RRP1: variants seen among roughly 807,000 people sequenced by gnomAD.
RRP1 encodes ribosomal RNA processing 1, also known as ribosomal RNA processing protein 1 homolog A.
In RRP1, 37 loss-of-function variants were observed where a neutral mutation model predicts 54.6. That is an observed-to-expected ratio of 0.68 (90% CI 0.52 to 0.89). The LOEUF (loss-of-function observed/expected upper bound fraction) is 0.89. Among genes scored for constraint, RRP1 ranks in the 40% least tolerant of loss-of-function variants. RRP1 has a pLI of 0.00. For synonymous variants in RRP1, 262 were observed against 244.3 expected, an observed-to-expected ratio of 1.07 and a Z score of -0.67; for missense variants, 639 against 612.5, an observed-to-expected ratio of 1.04 and a Z score of -0.46.
intron 12 of RRP1, 131 bp from the exon 13 acceptor site, chr21:43,803,381 C>T (rs571147596): frequency 8.9e-5 from 112 of 1,259,388 alleles, no homozygotes; most frequent in African/African-American, 6.8e-4. Flanking sequence ...ACACGGGATG[C>T]GTCTGGCTGG....
At chr21:43,791,270 C>A in intron 1 of RRP1, 80 bp from the exon 2 acceptor site, 3 of 1,429,180 alleles carry the variant, frequency 2.1e-6, no homozygotes, top group Non-Finnish European at 9.9e-7. Flanking sequence ...CTCATTCAGG[C>A]AGTCACGTTT....
At chr21:43,800,798 T>C in intron 10 of RRP1, 64 bp from the exon 11 acceptor site, 2 of 1,606,988 alleles carry the variant, frequency 1.2e-6, no homozygotes, top group Non-Finnish European at 1.7e-6. Flanking sequence ...CCGCTCTAGC[T>C]GGAGCTTCCT....
At position 43,792,908 on chromosome 21, in the gene RRP1, C is replaced by T. The variant is rs112926500; in HGVS notation, c.274+179C>T. ...TGTGTGCAGTGCTGGTGTAAGTATT[C>T]AACATGGATTAGCTCATTTACCCAA... On this transcript the variant is annotated intron_variant, in intron 3 of 12. Transcript: ENST00000497547. The T allele has an allele frequency of 3.4e-3, 2,186 of 635,462 alleles. 10 individuals are homozygous for T. The highest frequency in any genetic ancestry group is 4.4e-3 in the Non-Finnish European group (1,604 of 360,778). 39.4% of individuals were successfully genotyped at this position (635,462 alleles called of 1,614,324 possible).
chr21:43,791,284 T>C (rs1341261319), intron 1 of RRP1, 66 bp from the exon 2 acceptor site: 25 of 1,546,504 alleles, frequency 1.6e-5, no homozygotes, highest in African/African-American at 5.4e-5. Context: ...CACGTTTCTG[T>C]GGCTTCCTTT....
intron 1 of RRP1, chr21:43,790,871 G>C (rs558340735): frequency 1.3e-4 from 52 of 406,928 alleles, no homozygotes; most frequent in African/African-American, 1.1e-3. Flanking sequence ...GAGTACAGGC[G>C]TGAGCCACCG....
At position 43,803,746 on chromosome 21, in the gene RRP1, C is replaced by T. The variant is rs749255086; in HGVS notation, c.1358C>T (p.Pro453Leu). 2.1e-5 allele frequency: 33 copies of T among 1,578,330 alleles called. No individual in the cohort carries two copies. The East Asian group carries it at 2.7e-4, about 13-fold the overall frequency. The stretch of plus-strand genomic sequence containing the variant: ...GCAAAGGCGGCCAATGTCCAGGAGC[C>T]GGAGAAGAAGAAGAAACGCAGGGAG... ...ARAKAANVQE[P>L]EKKKKRRE is the part of the protein sequence containing the mutation. Residue 453 changes from proline (P) to leucine (L), a missense_variant, in exon 13 of 13, where the codon CCG (proline) becomes CTG (leucine). Transcript: ENST00000497547.
chr21:43,795,561 G>GT (rs751675942), intron 5 of RRP1, among the ~76,000 whole-genome samples: 2 of 152,176 alleles, frequency 1.3e-5, no homozygotes, highest in African/African-American at 2.4e-5. Flanking sequence ...AATGCTTTTT[G>GT]TTTTTTTGAA....
Position 43,799,581 on chromosome 21 carries a change from A to C in RRP1, c.823A>C (p.Arg275=). The C allele has an allele frequency of 6.2e-7, 1 of 1,611,816 alleles. No individual in the cohort carries two copies. Among genetic ancestry groups the C allele is most frequent in the Non-Finnish European group, 8.5e-7 (1 of 1,179,766 alleles). The change falls in exon 9 of 13, where the codon AGG becomes CGG. Residue 275 remains arginine (R), a synonymous_variant. Coordinates refer to ENST00000497547, the MANE Select transcript of RRP1 (RefSeq NM_003683.6). ...SEKPPAGSIC[R]AEPEAGEEQA... ...CCCTTTTGTTCCAGGCTCCATCTGC[A>C]GGGCTGAACCTGAGGCTGGTGAGGA...
At chr21:43,796,246 G>A (rs1257353467) in intron 5 of RRP1, among the ~76,000 whole-genome samples, 1 of 152,130 alleles carries the variant, frequency 6.6e-6, no homozygotes, top group African/African-American at 2.4e-5. Context: ...CTGGTTTGGA[G>A]GGATTTTCAT....
At chr21:43,793,731 C>G (rs560583175) in intron 4 of RRP1, among the ~76,000 whole-genome samples, 10 of 152,222 alleles carry the variant, frequency 6.6e-5, no homozygotes, top group Non-Finnish European at 1.3e-4. Context: ...CAGAGTGAGT[C>G]TGGAGGCGCA....
intron 3 of RRP1, 59 bp downstream of exon 3, chr21:43,792,788 G>C: frequency 6.4e-7 from 1 of 1,558,960 alleles, no homozygotes; most frequent in Non-Finnish European, 8.8e-7. Context: ...CTGAGCATCA[G>C]AGCCACCAGA....
chr21:43,791,084 A>G, intron 1 of RRP1: 1 of 575,276 alleles, frequency 1.7e-6, no homozygotes, highest in Non-Finnish European at 3.3e-6. Context: ...TCCAAAATGG[A>G]GTATGGTGCC....
intron 4 of RRP1, among the ~76,000 whole-genome samples, chr21:43,794,958 G>A (rs2085002373): frequency 6.6e-6 from 1 of 152,226 alleles, no homozygotes; most frequent in Non-Finnish European, 1.5e-5. Context: ...TGCCAGCTGG[G>A]GCCTTGGAGC....
chr21:43,803,631 C>A lies in RRP1; in HGVS notation c.1243C>A (p.Arg415=), dbSNP rs749236769. 2 of 1,550,914 alleles carry A rather than the reference C, an allele frequency of 1.3e-6. No individual in the cohort carries two copies. The highest frequency in any genetic ancestry group is 2.4e-5 in the South Asian group (2 of 84,110). Residue 415 remains arginine (R), a synonymous_variant, in exon 13 of 13, where the codon CGG becomes AGG. Transcript: ENST00000497547. ...TGGTGAGCAGCCAGGCACAGCTGAG[C>A]GGGCCCTGCTCCGAGATCAGCCCAG... ...EAGEQPGTAE[R]ALLRDQPRGR...
Position 43,802,304 on chromosome 21 carries a change from A to T in RRP1, c.1040A>T (p.Lys347Met). The T allele has an allele frequency of 1.9e-6, 3 of 1,613,898 alleles. No homozygotes were observed. In the South Asian group the frequency reaches 3.3e-5, roughly 18 times the overall value. ...TTCCCTGAAGATGAGATCCCAGAGA[A>T]GGCCTGCAGGCGCCTGCTTGAAGGG... The part of the protein sequence containing the change: ...GIFPEDEIPE[K>M]ACRRLLEGRR... Residue 347 changes from lysine (K) to methionine (M), a missense_variant, in exon 12 of 13, where the codon AAG becomes ATG. Transcript: ENST00000497547.
At chr21:43,799,294 C>T (rs2085056951) in intron 8 of RRP1, among the ~76,000 whole-genome samples, 1 of 151,788 alleles carries the variant, frequency 6.6e-6, no homozygotes, top group Admixed American at 6.6e-5. Flanking sequence ...TGCCCTGGGA[C>T]ATCTTTTTTT....
At position 43,789,623 on chromosome 21, in the gene RRP1, C is replaced by G; in HGVS notation, c.-7C>G. 6.3e-7 allele frequency: 1 copy of G among 1,586,798 alleles called. No homozygotes were observed. The highest frequency in any genetic ancestry group is 1.1e-5 in the South Asian group (1 of 87,584). On this transcript the variant is annotated 5_prime_UTR_variant, in exon 1 of 13. Transcript: ENST00000497547. ...CTCCGGGACAGGGGGTCTCGGCCGT[C>G]GGCGTCATGGTTTCGCGCGTGCAGC... is the stretch of plus-strand genomic sequence containing the variant.
chr21:43,797,410 T>G lies in RRP1; in HGVS notation c.423-12T>G. The stretch of plus-strand genomic sequence containing the variant: ...CGAGGCTGCCTGTCATGTTTGCTTT[T>G]TCTTTCCTCAGACAGATCGAGGAGC... On this transcript the variant is annotated splice_polypyrimidine_tract_variant and intron_variant, in intron 5 of 12. Coordinates refer to ENST00000497547, the MANE Select transcript of RRP1 (RefSeq NM_003683.6). 1.2e-6 allele frequency: 2 copies of G among 1,604,146 alleles called. No homozygotes were observed. Among genetic ancestry groups the G allele is most frequent in the Non-Finnish European group, 1.7e-6 (2 of 1,176,876 alleles).
chr21:43,800,421 G>A, intron 9 of RRP1, 96 bp from the exon 10 acceptor site: 2 of 1,134,490 alleles, frequency 1.8e-6, no homozygotes, highest in East Asian at 4.9e-5. Flanking sequence ...ACCTGCAAGT[G>A]GGACCAAGTG....
Sources: gnomAD v4.1 joint callset for allele counts (sites outside exome capture counted in the v4.1 genomes callset) on GRCh38, gnomAD v4.1.1 for gene constraint, MANE v1.5 for transcripts, NCBI Gene and HGNC (gene_info 2026-07-23, HGNC 2026-07-21) for gene names.